Variants in NKAIN3 observed in about 807,000 individuals in gnomAD.
The protein encoded by NKAIN3 is sodium/potassium transporting ATPase interacting 3, also known as sodium/potassium-transporting ATPase subunit beta-1-interacting protein 3.
NKAIN3 carries 25 observed loss-of-function variants against 30.2 expected under a neutral mutation model. The observed-to-expected ratio is 0.83, with a 90% CI of 0.60 to 1.16. NKAIN3 has a LOEUF of 1.16. Among genes scored for constraint, NKAIN3 ranks in the 50% most tolerant of loss-of-function variants. NKAIN3 has a pLI of 0.00. For synonymous variants in NKAIN3, 91 were observed against 89.6 expected (o/e 1.02, Z -0.09); for missense variants, 225 against 254.1 (o/e 0.89, Z 0.78).
At chr8:62,998,438 C>A (rs1021186919) in intron 5 of NKAIN3, among the ~76,000 whole-genome samples, 1 of 152,074 alleles carries the variant, frequency 6.6e-6, no homozygotes, top group Non-Finnish European at 1.5e-5. Context: ...ACCACACCAG[C>A]TAATTTTTGT....
At chr8:62,502,157 C>G (rs979237602) in intron 1 of NKAIN3, among the ~76,000 whole-genome samples, 3 of 151,642 alleles carry the variant, frequency 2.0e-5, no homozygotes, top group Non-Finnish European at 4.4e-5. Context: ...TAAATTCATT[C>G]CTCCCTCTCT....
chr8:62,821,261 GA>G (rs1424461511), intron 4 of NKAIN3, among the ~76,000 whole-genome samples: 3 of 152,098 alleles, frequency 2.0e-5, no homozygotes, highest in Admixed American at 6.6e-5. Context: ...TATTAAAATA[GA>G]AACACAATGG....
chr8:62,826,507 T>C (rs1252086434), intron 4 of NKAIN3, among the ~76,000 whole-genome samples: 1 of 152,212 alleles, frequency 6.6e-6, no homozygotes, highest in Non-Finnish European at 1.5e-5. Flanking sequence ...GTCTCTTTTC[T>C]CTAACTGTGT....
chr8:62,293,879 C>T (rs757661319), intron 1 of NKAIN3, among the ~76,000 whole-genome samples: 1 of 152,176 alleles, frequency 6.6e-6, no homozygotes, highest in Admixed American at 6.5e-5. Context: ...CTGCAGTGGG[C>T]TCCACCCAGT....
intron 4 of NKAIN3, among the ~76,000 whole-genome samples, chr8:62,778,229 C>G (rs1817248850): frequency 6.6e-6 from 1 of 152,102 alleles, no homozygotes. Context: ...TCTTAAGGCA[C>G]TAGACCCTTA....
At chr8:62,365,070 T>C (rs1816696443) in intron 1 of NKAIN3, among the ~76,000 whole-genome samples, 1 of 152,166 alleles carries the variant, frequency 6.6e-6, no homozygotes, top group African/African-American at 2.4e-5. Context: ...AGAATCAAAA[T>C]GGACAGCATC....
intron 4 of NKAIN3, chr8:62,863,429 T>A: frequency 1.3e-6 from 2 of 1,552,804 alleles, no homozygotes; most frequent in South Asian, 2.3e-5. Context: ...TGAGTAATCT[T>A]GGTCTTACTG....
chr8:62,304,761 G>A lies in NKAIN3; in HGVS notation c.54+55634G>A, dbSNP rs553814087. Among the ~76,000 whole-genome samples the A allele has an allele frequency of 5.3e-5, 8 of 150,306 alleles. No individual in the cohort carries two copies. In the South Asian group the frequency reaches 1.7e-3, roughly 31 times the overall value. ...GACTGGCTTAGAAAATCTTCTGATG[G>A]AACTCAACCAGAGTGACAGCATCCT... On this transcript the variant is annotated intron_variant, in intron 1 of 6. Transcript: ENST00000623646.
intron 1 of NKAIN3, among the ~76,000 whole-genome samples, chr8:62,533,484 T>C (rs1808551922): frequency 1.5e-5 from 1 of 68,838 alleles, no homozygotes; most frequent in Non-Finnish European, 2.9e-5. Flanking sequence ...TATGTGCTCA[T>C]CTTCTCACCC....
chr8:62,730,162 G>A (rs935014006), intron 3 of NKAIN3, among the ~76,000 whole-genome samples: 1 of 151,864 alleles, frequency 6.6e-6, no homozygotes. Context: ...GCTCTTACAT[G>A]TACTTCTAAT....
chr8:62,459,925 T>C (rs1040083494), intron 1 of NKAIN3, among the ~76,000 whole-genome samples: 1 of 152,260 alleles, frequency 6.6e-6, no homozygotes, highest in East Asian at 1.9e-4. Flanking sequence ...TGAGAAGTCA[T>C]TGAAGGATTG....
intron 4 of NKAIN3, among the ~76,000 whole-genome samples, chr8:62,791,956 T>A (rs1013412271): frequency 1.3e-5 from 2 of 152,166 alleles, no homozygotes; most frequent in African/African-American, 4.8e-5. Flanking sequence ...TGTTTTGATA[T>A]GTATGCATTG....
intron 4 of NKAIN3, among the ~76,000 whole-genome samples, chr8:62,860,671 C>G (rs1035798168): frequency 1.3e-5 from 2 of 152,142 alleles, no homozygotes; most frequent in Non-Finnish European, 2.9e-5. Context: ...GTCGGTGGTA[C>G]TTGTCCATAT....
intron 3 of NKAIN3, among the ~76,000 whole-genome samples, chr8:62,593,859 T>G (rs1169065077): frequency 6.6e-6 from 1 of 152,028 alleles, no homozygotes; most frequent in African/African-American, 2.4e-5. Context: ...AGTTAAAGTT[T>G]AGTCTTCACT....
At chr8:62,866,167 TG>T (rs1241128860) in intron 4 of NKAIN3, among the ~76,000 whole-genome samples, 1 of 152,218 alleles carries the variant, frequency 6.6e-6, no homozygotes, top group African/African-American at 2.4e-5. Flanking sequence ...ATGCCTCCTC[TG>T]GGCACTGTAA....
chr8:62,871,985 A>G (rs1423908740), intron 4 of NKAIN3, among the ~76,000 whole-genome samples: 2 of 152,258 alleles, frequency 1.3e-5, no homozygotes, highest in East Asian at 1.9e-4. Flanking sequence ...CAAACCACAT[A>G]TACAATGGTG....
intron 1 of NKAIN3, among the ~76,000 whole-genome samples, chr8:62,505,759 T>C (rs1225382857): frequency 1.3e-5 from 2 of 152,174 alleles, no homozygotes; most frequent in African/African-American, 4.8e-5. Context: ...TGATGGCCTA[T>C]ATGTATTAGT....
intron 3 of NKAIN3, among the ~76,000 whole-genome samples, chr8:62,667,693 A>T (rs1474682164): frequency 6.6e-6 from 1 of 152,004 alleles, no homozygotes; most frequent in African/African-American, 2.4e-5. Context: ...ATCCACAGTG[A>T]TCTTTCTAAA....
chr8:62,814,711 C>T (rs559104351), intron 4 of NKAIN3, among the ~76,000 whole-genome samples: 2 of 151,962 alleles, frequency 1.3e-5, no homozygotes, highest in African/African-American at 2.4e-5. Flanking sequence ...ATACCAGAAT[C>T]TCTGGGACAC....
Sources: allele counts gnomAD v4.1 joint callset (sites outside exome capture counted in the v4.1 genomes callset), GRCh38; gene constraint gnomAD v4.1.1; transcripts MANE v1.5; gene names NCBI Gene and HGNC (gene_info 2026-07-23, HGNC 2026-07-21).